The following USP9X variants were observed in gnomAD, a reference collection of about 807,000 sequenced individuals.
The protein encoded by USP9X is ubiquitin specific peptidase 9 X-linked, also known as ubiquitin carboxyl-terminal hydrolase 9X.
In USP9X, 7 loss-of-function variants were observed where a neutral mutation model predicts 190.3. The observed-to-expected ratio is 0.04, with a 90% CI of 0.02 to 0.07. USP9X has a LOEUF of 0.07. USP9X is among the 10% of genes least tolerant of loss of function. The pLI is 1.00. For missense variants in USP9X, 1,010 were observed against 1,916.9 expected, an observed-to-expected ratio of 0.53 and a Z score of 8.83; for synonymous variants, 645 against 659.5, an observed-to-expected ratio of 0.98 and a Z score of 0.34.
chrX:41,191,164 C>T (rs1398149615), intron 26 of USP9X, among the ~76,000 whole-genome samples: 1 of 109,762 alleles, frequency 9.1e-6, no homozygotes, highest in Non-Finnish European at 1.9e-5. Flanking sequence ...CTCGACTCTA[C>T]TAAAAATACA....
chrX:41,100,480 C>CATATAAGT (rs2062026130), intron 1 of USP9X, among the ~76,000 whole-genome samples: 1 of 111,562 alleles, frequency 9.0e-6, no homozygotes, highest in South Asian at 3.7e-4. Context: ...TAAATGAGCG[C>CATATAAGT]TCTACTGCAT....
chrX:41,168,144 A>G lies in USP9X; in HGVS notation c.2562A>G (p.Leu854=). Residue 854 remains leucine (L), a synonymous_variant, in exon 18 of 45, where the codon TTA becomes TTG. Coordinates refer to ENST00000378308, the MANE Select transcript of USP9X (RefSeq NM_001039591.3). ...AAGCTGTTCGAATGGTTCGAGTATT[A>G]ACTGTTTTAAGGGAATATATAAATG... The part of the protein sequence containing the change: ...RQEAVRMVRV[L]TVLREYINEC... The G allele has an allele frequency of 8.3e-7, 1 of 1,211,201 alleles. No individual in the cohort carries two copies. The highest frequency in any genetic ancestry group is 1.1e-6 in the Non-Finnish European group (1 of 895,174).
chrX:41,214,563 T>C lies in USP9X; in HGVS notation c.5190-5T>C. On this transcript the variant is annotated splice_region_variant and splice_polypyrimidine_tract_variant and intron_variant, in intron 33 of 44. Coordinates refer to ENST00000378308, the MANE Select transcript of USP9X (RefSeq NM_001039591.3). ...GGATAAATCCTTTTTTTAAATCGTT[T>C]TTAGGTACGAATGTGAAGAATCTTT... The C allele has an allele frequency of 8.7e-7, 1 of 1,155,690 alleles. No homozygotes were observed. The highest frequency in any genetic ancestry group is 1.1e-6 in the Non-Finnish European group (1 of 872,940).
chrX:41,164,551 A>T (rs2062662703), intron 15 of USP9X, among the ~76,000 whole-genome samples: 1 of 111,536 alleles, frequency 9.0e-6, no homozygotes. Flanking sequence ...TGTAGTTTCT[A>T]CTCTGTTAGT....
At chrX:41,190,050 T>C (rs1397858557) in intron 26 of USP9X, 2 of 112,088 alleles carry the variant, frequency 1.8e-5, no homozygotes, top group African/African-American at 6.5e-5. Flanking sequence ...TCTTCGTATA[T>C]GGTAACTTTA....
At position 41,218,365 on chromosome X, in the gene USP9X, A is replaced by T. The variant is rs780836855; in HGVS notation, c.6210-7A>T. 7 of 1,204,522 alleles carry T rather than the reference A, an allele frequency of 5.8e-6. No individual in the cohort carries two copies. Among genetic ancestry groups the T allele is most frequent in the African/African-American group, 5.3e-5 (3 of 56,785 alleles). On this transcript the variant is annotated splice_region_variant and splice_polypyrimidine_tract_variant and intron_variant, in intron 36 of 44. Transcript: ENST00000378308. ...TAATAGTCATAGGTTTTTTTGTTTT[A>T]TTTTAGGTATGATGCATTGTGTATT...
intron 1 of USP9X, among the ~76,000 whole-genome samples, chrX:41,115,221 C>CA (rs752591677): frequency 0.014 from 606 of 42,562 alleles, 6 homozygotes; most frequent in East Asian, 0.026. Flanking sequence ...ACTCCGTCTC[C>CA]AAAAAAAAAA....
At chrX:41,131,052 AGGG>A (rs1423592110) in intron 3 of USP9X, among the ~76,000 whole-genome samples, 2 of 110,057 alleles carry the variant, frequency 1.8e-5, no homozygotes, top group South Asian at 3.7e-4. Flanking sequence ...AAAAAAAAAA[AGGG>A]GGGTGGCGGG....
intron 1 of USP9X, among the ~76,000 whole-genome samples, chrX:41,113,735 A>G (rs1431747032): frequency 9.0e-6 from 1 of 111,633 alleles, no homozygotes; most frequent in African/African-American, 3.3e-5. Flanking sequence ...GATTTGTGAC[A>G]ATTTGAAAAA....
At chrX:41,223,137 A>G (rs1295731144) in intron 38 of USP9X, 80 bp from the exon 39 acceptor site, 1 of 950,692 alleles carries the variant, frequency 1.1e-6, no homozygotes, top group Admixed American at 3.2e-5. Context: ...TGTTTTATTC[A>G]TGAAGCCCTT....
intron 31 of USP9X, among the ~76,000 whole-genome samples, chrX:41,204,244 A>G (rs1006594971): frequency 7.2e-5 from 8 of 111,455 alleles, no homozygotes; most frequent in South Asian, 3.7e-4. Context: ...TTCTTTGTCT[A>G]TTTTTAAATT....
At chrX:41,216,674 C>T (rs771563992) in intron 35 of USP9X, 22 bp downstream of exon 35, 3 of 1,168,055 alleles carry the variant, frequency 2.6e-6, no homozygotes, top group Admixed American at 2.5e-5. Flanking sequence ...GAGAGTTTAG[C>T]TTCTTAGTAA....
intron 1 of USP9X, among the ~76,000 whole-genome samples, chrX:41,095,376 C>T (rs2146920650): frequency 9.0e-6 from 1 of 111,689 alleles, no homozygotes; most frequent in East Asian, 2.8e-4. Flanking sequence ...GTTTTTTAAC[C>T]CTATTGACAG....
chrX:41,178,945 C>A (rs2062803272), intron 21 of USP9X, among the ~76,000 whole-genome samples: 2 of 112,115 alleles, frequency 1.8e-5, no homozygotes, highest in Non-Finnish European at 3.8e-5. Context: ...TCTGTTTTTG[C>A]AACACCATTT....
chrX:41,095,569 G>C (rs2061984021), intron 1 of USP9X, among the ~76,000 whole-genome samples: 1 of 111,971 alleles, frequency 8.9e-6, no homozygotes, highest in Admixed American at 9.4e-5. Context: ...AAAGTATAGT[G>C]TTTTCAGAGT....
intron 1 of USP9X, among the ~76,000 whole-genome samples, chrX:41,091,675 A>G (rs1053310146): frequency 4.5e-5 from 5 of 111,977 alleles, no homozygotes; most frequent in African/African-American, 1.3e-4. Flanking sequence ...TCTCATTACA[A>G]TGAGAAATCC....
intron 1 of USP9X, among the ~76,000 whole-genome samples, chrX:41,107,833 G>T (rs573206326): frequency 9.0e-6 from 1 of 111,670 alleles, no homozygotes; most frequent in East Asian, 2.8e-4. Context: ...CAGAATTTCC[G>T]TTTGGTTCTT....
intron 38 of USP9X, among the ~76,000 whole-genome samples, chrX:41,221,849 GC>G (rs1391254465): frequency 9.0e-6 from 1 of 111,452 alleles, no homozygotes; most frequent in African/African-American, 3.3e-5. Context: ...TGGAGAACTG[GC>G]AGTGAGGGAG....
rs781398748 is a variant in USP9X, at chrX:41,186,276, T to G, written c.3559-241T>G. On this transcript the variant is annotated intron_variant, in intron 23 of 44. Coordinates refer to ENST00000378308, the MANE Select transcript of USP9X (RefSeq NM_001039591.3). ...CCCTGCAAGTTAAGCTGAGGCCAGA[T>G]TTAGAGACACGAGTTGATTGCTCTA... Among the ~76,000 whole-genome samples the G allele has an allele frequency of 4.3e-4, 48 of 111,331 alleles. 1 individual carries two copies. The highest frequency in any genetic ancestry group is 1.1e-4 in the Non-Finnish European group (6 of 53,086).
Sources: allele counts gnomAD v4.1 joint callset (sites outside exome capture counted in the v4.1 genomes callset), GRCh38; gene constraint gnomAD v4.1.1; transcripts MANE v1.5; gene names NCBI Gene and HGNC (gene_info 2026-07-23, HGNC 2026-07-21).